Variants in TOGARAM2 observed in about 807,000 individuals in gnomAD.
TOGARAM2 encodes TOG array regulator of axonemal microtubules 2.
A neutral mutation model predicts 93.3 loss-of-function variants in TOGARAM2; 85 were observed. The ratio of observed to expected loss-of-function variants is 0.91; its 90% CI spans 0.76 to 1.09. TOGARAM2 has a LOEUF of 1.09. TOGARAM2 is among the 50% of genes least tolerant of loss of function. TOGARAM2 has a pLI of 0.00. For missense variants in TOGARAM2, 1,277 were observed against 1,334.5 expected (o/e 0.96, Z 0.67); for synonymous variants, 593 against 552.8 (o/e 1.07, Z -1.02).
intron 1 of TOGARAM2, among the ~76,000 whole-genome samples, chr2:28,987,590 A>G (rs946774242): frequency 6.6e-6 from 1 of 152,130 alleles, no homozygotes; most frequent in Non-Finnish European, 1.5e-5. Context: ...CACCCGGCCA[A>G]TGTGCTTTAG....
intron 2 of TOGARAM2, among the ~76,000 whole-genome samples, chr2:28,995,106 C>G (rs1359202394): frequency 1.3e-5 from 2 of 152,224 alleles, no homozygotes; most frequent in African/African-American, 2.4e-5. Flanking sequence ...TGAGCTTTAT[C>G]TCCACTCTCT....
In TOGARAM2 at chr2:29,002,682, GA is replaced by G; in HGVS notation, c.575del (p.Glu192GlyfsTer16). ...CACCCCTGAGGCCAGCGGAGTCAAA[GA>G]GAAGGGCCTGGACCTACCGGGGAGC... ...PTTPEASGVK[E>X]KGLDLPGSIP... On this transcript the variant is annotated frameshift_variant, in exon 5 of 20. Transcript: ENST00000379558. LOFTEE classifies it high-confidence loss of function. The G allele has an allele frequency of 6.2e-7, 1 of 1,614,032 alleles. No homozygotes were observed. The highest frequency in any genetic ancestry group is 1.1e-5 in the South Asian group (1 of 91,078).
At chr2:28,983,282 T>C (rs1006314454) in intron 1 of TOGARAM2, among the ~76,000 whole-genome samples, 1 of 146,520 alleles carries the variant, frequency 6.8e-6, no homozygotes, top group African/African-American at 2.5e-5. Flanking sequence ...CTGGCTCAGG[T>C]GATATGCCTG....
intron 10 of TOGARAM2, chr2:29,018,379 G>A (rs559460349): frequency 6.2e-6 from 1 of 160,738 alleles, no homozygotes; most frequent in East Asian, 1.8e-4. Context: ...ACAGGAATCA[G>A]AGGGTCCAGA....
At chr2:28,969,412 G>C (rs569103646) in intron 1 of TOGARAM2, among the ~76,000 whole-genome samples, 1 of 152,316 alleles carries the variant, frequency 6.6e-6, no homozygotes, top group South Asian at 2.1e-4. Flanking sequence ...GGTCCCGGGT[G>C]GGCAGCTTTC....
chr2:29,045,639 T>A (rs548857639), intron 19 of TOGARAM2: 2 of 532,616 alleles, frequency 3.8e-6, no homozygotes. Flanking sequence ...AAAGTGTTTT[T>A]AAAAAACTGT....
chr2:29,011,463 G>C lies in TOGARAM2; in HGVS notation c.839G>C (p.Arg280Pro), dbSNP rs1446625760. The C allele has an allele frequency of 1.9e-6, 3 of 1,608,854 alleles. No homozygotes were observed. The highest frequency in any genetic ancestry group is 1.7e-6 in the Non-Finnish European group (2 of 1,178,096). The part of the protein sequence containing the change: ...GLRAPRTRLA[R>P]GSGPREKTPA... ...TCCCCCGTTCTTTTAAGATTGGCTC[G>C]GGGGAGTGGGCCTCGGGAGAAGACC... The change falls in exon 7 of 20, where the codon CGG (arginine) becomes CCG (proline). Residue 280 changes from arginine (R) to proline (P), a missense_variant. Physicochemically the swap from Arg to Pro is moderately radical, Grantham distance 103. Coordinates refer to ENST00000379558, the MANE Select transcript of TOGARAM2 (RefSeq NM_199280.4).
chr2:29,034,788 C>CAGGAT (rs953601770), intron 16 of TOGARAM2, among the ~76,000 whole-genome samples: 6 of 152,134 alleles, frequency 3.9e-5, no homozygotes, highest in African/African-American at 1.4e-4. Context: ...AGCCAGGGAT[C>CAGGAT]AGGATATAGG....
chr2:28,982,118 C>G (rs1489216552), intron 1 of TOGARAM2, among the ~76,000 whole-genome samples: 1 of 152,182 alleles, frequency 6.6e-6, no homozygotes, highest in Non-Finnish European at 1.5e-5. Context: ...AAAAAAGCCC[C>G]CTTGGTGCTG....
intron 4 of TOGARAM2, 128 bp downstream of exon 4, chr2:28,999,596 T>G (rs1393018965): frequency 9.2e-7 from 1 of 1,090,806 alleles, no homozygotes; most frequent in East Asian, 2.6e-5. Context: ...GATCGGTGGG[T>G]ACATACCAGG....
At chr2:29,042,870 G>C (rs1170407730) in intron 18 of TOGARAM2, among the ~76,000 whole-genome samples, 1 of 152,238 alleles carries the variant, frequency 6.6e-6, no homozygotes, top group Non-Finnish European at 1.5e-5. Flanking sequence ...CAGGGCCAAG[G>C]CATGGCCTTC....
intron 2 of TOGARAM2, 131 bp downstream of exon 2, chr2:28,994,993 G>A (rs765005752): frequency 3.6e-5 from 42 of 1,157,806 alleles, no homozygotes; most frequent in South Asian, 8.3e-5. Flanking sequence ...CCAGGTGGCC[G>A]TGCCTTTCCA....
rs765453362 is a variant in TOGARAM2, at chr2:29,052,083, A to C, written c.3050A>C (p.Gln1017Pro). The change falls in exon 20 of 20, where the codon CAG (glutamine) becomes CCG (proline). Residue 1017 changes from glutamine to proline, a missense_variant. Physicochemically the swap from Gln to Pro is moderately conservative, Grantham distance 76. Coordinates refer to ENST00000379558, the MANE Select transcript of TOGARAM2 (RefSeq NM_199280.4). ...SKTTGSSYPF[Q>P]LD ...ACAACTGGCAGCTCATACCCTTTTC[A>C]GCTGGATTAAAGATGGATCTGAAAT... is the stretch of plus-strand genomic sequence containing the variant. 1.3e-6 allele frequency: 2 copies of C among 1,573,690 alleles called. No individual in the cohort carries two copies. The highest frequency in any genetic ancestry group is 1.7e-6 in the Non-Finnish European group (2 of 1,156,518).
chr2:29,015,292 C>T (rs947231606), intron 8 of TOGARAM2, among the ~76,000 whole-genome samples: 1 of 152,122 alleles, frequency 6.6e-6, no homozygotes, highest in Non-Finnish European at 1.5e-5. Flanking sequence ...GATCCTCCAC[C>T]CCACTTCTGC....
At chr2:29,026,455 A>G (rs79023379) in intron 13 of TOGARAM2, among the ~76,000 whole-genome samples, 2,472 of 152,158 alleles carry the variant, frequency 0.016, 62 homozygotes, top group African/African-American at 0.056. Context: ...AGTGGGTGGG[A>G]TGTCTAATTC....
At position 29,033,179 on chromosome 2, in the gene TOGARAM2, T is replaced by C. The variant is rs1187898427; in HGVS notation, c.2130+128T>C. 18 of 752,588 alleles carry C rather than the reference T, an allele frequency of 2.4e-5. 1 individual carries two copies. In the East Asian group the frequency reaches 4.8e-4, roughly 20 times the overall value. The allele number at this position is 752,588 out of a possible 1,614,324, so 46.6% of individuals were successfully genotyped here. On this transcript the variant is annotated intron_variant, in intron 15 of 19. Transcript: ENST00000379558. ...CAGAGATGTTGATTTCATCCACTAC[T>C]CCTGATAGGTGAGATAGATGTGATT...
intron 1 of TOGARAM2, among the ~76,000 whole-genome samples, chr2:28,985,198 C>CCG (rs1055007111): frequency 2.6e-5 from 4 of 152,248 alleles, no homozygotes; most frequent in African/African-American, 7.2e-5. Context: ...AGCTTGCTCT[C>CCG]TGTCTCTCTC....
At chr2:28,999,522 G>A (rs57018089) in intron 4 of TOGARAM2, 54 bp downstream of exon 4, 4 of 1,509,084 alleles carry the variant, frequency 2.7e-6, no homozygotes, top group South Asian at 1.4e-5. Flanking sequence ...GTCAAGGGCC[G>A]CAGGCCTCCA....
At chr2:29,022,418 C>T (rs572221412) in intron 11 of TOGARAM2, 110 bp downstream of exon 11, 1 of 1,466,206 alleles carries the variant, frequency 6.8e-7, no homozygotes, top group Admixed American at 2.1e-5. Context: ...GTTCCAGCAC[C>T]ATGGAGCATA....
Sources: gnomAD v4.1 joint callset for allele counts (sites outside exome capture counted in the v4.1 genomes callset) on GRCh38, gnomAD v4.1.1 for gene constraint, MANE v1.5 for transcripts, NCBI Gene and HGNC (gene_info 2026-07-23, HGNC 2026-07-21) for gene names.